LPIN1: variants seen among roughly 807,000 people sequenced by gnomAD.
The protein encoded by LPIN1 is phosphatidate phosphatase LPIN1.
In LPIN1, 71 loss-of-function variants were observed where a neutral mutation model predicts 107.5. That is an observed-to-expected ratio of 0.66 (90% CI 0.55 to 0.80). The LOEUF (loss-of-function observed/expected upper bound fraction) is 0.80. Ranked by LOEUF, LPIN1 falls within the 30% of genes least tolerant of loss-of-function variation. The pLI is 0.00. For missense variants in LPIN1, 1,043 were observed against 1,160.6 expected, an observed-to-expected ratio of 0.90 and a Z score of 1.47; for synonymous variants, 445 against 452.6, an observed-to-expected ratio of 0.98 and a Z score of 0.21.
In LPIN1 at chr2:11,765,172, G is replaced by A. The variant is rs376312030; in HGVS notation, c.-9-361G>A. Reference sequence around the variant, plus strand: ...GGACCGTGATGGGCCGTAACGGGCCGTGATGGACCCTGATGGGCTGTGATG... The same window carrying A: ...GGACCGTGATGGGCCGTAACGGGCCATGATGGACCCTGATGGGCTGTGATG... On this transcript the variant is annotated intron_variant, in intron 1 of 20. Coordinates refer to ENST00000674199, the MANE Select transcript of LPIN1 (RefSeq NM_001349206.2). This position sits in a 1 kb window ranked among gnomAD's most constrained non-coding sequence, Gnocchi z 4.4. 1.7e-4 allele frequency among the ~76,000 whole-genome samples: 26 copies of A among 151,950 alleles called. No individual in the cohort carries two copies. The East Asian group carries it at 2.3e-3, about 14-fold the overall frequency.
upstream of LPIN1, among the ~76,000 whole-genome samples, chr2:11,742,463 T>C (rs1289362525): frequency 6.6e-6 from 1 of 152,214 alleles, no homozygotes; most frequent in African/African-American, 2.4e-5. Flanking sequence ...TGCTTAAGGC[T>C]GTGACAGCCC....
chr2:11,781,934 C>T (rs1310926010), intron 7 of LPIN1, among the ~76,000 whole-genome samples: 1 of 152,246 alleles, frequency 6.6e-6, no homozygotes, highest in Non-Finnish European at 1.5e-5. Flanking sequence ...TGTAATCTAA[C>T]AGCATTTAGG....
chr2:11,818,090 A>C (rs1210991014), intron 18 of LPIN1: 1 of 152,248 alleles, frequency 6.6e-6, no homozygotes, highest in Non-Finnish European at 1.5e-5. Flanking sequence ...GGCCAAGGCC[A>C]TAGTGTCCCA....
At chr2:11,806,758 G>A (rs1678762359) in intron 17 of LPIN1, among the ~76,000 whole-genome samples, 1 of 152,138 alleles carries the variant, frequency 6.6e-6, no homozygotes. Context: ...AAAGCGCAGA[G>A]GTTGTATCAC....
At chr2:11,678,219 C>A (rs780162374) in intron 1 of LPIN1, among the ~76,000 whole-genome samples, 5 of 152,160 alleles carry the variant, frequency 3.3e-5, no homozygotes, top group Non-Finnish European at 7.3e-5. Flanking sequence ...CCAAAGCCAG[C>A]GGCTGTCCCT....
rs187016283 is a variant in LPIN1 at position 11,774,035 on chromosome 2, A to G, written c.722+290A>G. On this transcript the variant is annotated intron_variant, in intron 5 of 20. Coordinates refer to ENST00000674199, the MANE Select transcript of LPIN1 (RefSeq NM_001349206.2). The surrounding 1 kb of genome is among the most constrained non-coding windows in gnomAD (Gnocchi z 4.4). ...TCATGCTAATTGTTAATAGGAGAAA[A>G]CACAGTGGCAGAGCCTTTCTTGATA... 6.6e-6 allele frequency among the ~76,000 whole-genome samples: 1 copy of G among 152,320 alleles called. No homozygotes were observed. The highest frequency in any genetic ancestry group is 1.9e-4 in the East Asian group (1 of 5,190).
At chr2:11,759,149 C>T (rs572411027) in intron 1 of LPIN1, among the ~76,000 whole-genome samples, 15 of 143,348 alleles carry the variant, frequency 1.0e-4, no homozygotes, top group Non-Finnish European at 1.7e-4. Context: ...TTCTTTCTTT[C>T]TTTCTTTCTT....
chr2:11,711,710 C>A (rs1003517184), intron 1 of LPIN1, among the ~76,000 whole-genome samples: 4 of 152,210 alleles, frequency 2.6e-5, no homozygotes, highest in Non-Finnish European at 5.9e-5. Context: ...TCATCTTCCT[C>A]TTTGTCCCAC....
At chr2:11,739,176 T>C (rs1263828210) in intron 1 of LPIN1, among the ~76,000 whole-genome samples, 1 of 152,202 alleles carries the variant, frequency 6.6e-6, no homozygotes, top group African/African-American at 2.4e-5. Flanking sequence ...AGCCAGAAGC[T>C]GTATTGCTCA....
chr2:11,693,901 C>A (rs34032644), intron 1 of LPIN1, among the ~76,000 whole-genome samples: 1,673 of 131,374 alleles, frequency 0.013, 13 homozygotes, highest in Non-Finnish European at 0.019. Flanking sequence ...ATAGCAAGAT[C>A]CCGGCTCACT....
At chr2:11,679,511 T>C (rs925520487) in intron 1 of LPIN1, among the ~76,000 whole-genome samples, 2 of 152,232 alleles carry the variant, frequency 1.3e-5, no homozygotes, top group African/African-American at 4.8e-5. Context: ...GAGGTGGTGC[T>C]TCCTTCACCG....
intron 1 of LPIN1, among the ~76,000 whole-genome samples, chr2:11,727,716 C>T (rs575326705): frequency 2.0e-4 from 30 of 152,354 alleles, no homozygotes; most frequent in African/African-American, 6.7e-4. Context: ...AAGGTACATT[C>T]AGTTTCCCAC....
At chr2:11,814,920 A>G (rs1176634389) in intron 17 of LPIN1, among the ~76,000 whole-genome samples, 168 bp from the exon 18 acceptor site, 3 of 152,230 alleles carry the variant, frequency 2.0e-5, no homozygotes, top group Non-Finnish European at 4.4e-5. Context: ...AAATGTATTT[A>G]AGCCTATTTC....
At chr2:11,766,933 C>G (rs1215628599) in intron 2 of LPIN1, among the ~76,000 whole-genome samples, 2 of 152,172 alleles carry the variant, frequency 1.3e-5, no homozygotes, top group South Asian at 4.1e-4. Flanking sequence ...ATCTCCCATT[C>G]CATCATGGCC....
intron 1 of LPIN1, among the ~76,000 whole-genome samples, chr2:11,751,321 T>C (rs2148578927): frequency 6.6e-6 from 1 of 152,318 alleles, no homozygotes; most frequent in Non-Finnish European, 1.5e-5. Context: ...GACCAGAGTT[T>C]TCCATCCTTC....
chr2:11,737,596 A>C (rs544797134), intron 1 of LPIN1, among the ~76,000 whole-genome samples: 17 of 152,380 alleles, frequency 1.1e-4, no homozygotes, highest in African/African-American at 4.1e-4. Context: ...GACAGTTCTC[A>C]AAAGAAGACA....
chr2:11,776,135 G>A lies in LPIN1; in HGVS notation c.772G>A (p.Glu258Lys), dbSNP rs559915855. The A allele has an allele frequency of 1.0e-5, 16 of 1,548,634 alleles. No individual in the cohort carries two copies. The highest frequency in any genetic ancestry group is 8.3e-5 in the South Asian group (7 of 83,940). Residue 258 changes from glutamate to lysine, a missense_variant, in exon 6 of 21, where the codon GAG becomes AAG. Physicochemically the swap from Glu to Lys is moderately conservative, Grantham distance 56 (BLOSUM62 1). Coordinates refer to ENST00000674199, the MANE Select transcript of LPIN1 (RefSeq NM_001349206.2). ...RTAPHLAVAA[E>K]GGLSSSCPPQ... ...TGCCCCTCATCTTGCAGTTGCGGCC[G>A]AGGGAGGTCTGTCTAGTTCTTGCCC...
At chr2:11,695,462 G>T (rs1449796213) in intron 1 of LPIN1, among the ~76,000 whole-genome samples, 1 of 152,114 alleles carries the variant, frequency 6.6e-6, no homozygotes, top group African/African-American at 2.4e-5. Flanking sequence ...CCCTAAGGTG[G>T]AGTATTTGAG....
intron 8 of LPIN1, 61 bp downstream of exon 8, chr2:11,782,568 T>C (rs1459096860): frequency 6.3e-7 from 1 of 1,590,674 alleles, no homozygotes; most frequent in Non-Finnish European, 8.6e-7. Flanking sequence ...ACTCTACACA[T>C]GACAGGTCCT....
Sources: allele counts gnomAD v4.1 joint callset (sites outside exome capture counted in the v4.1 genomes callset), GRCh38; gene constraint gnomAD v4.1.1; non-coding constraint Gnocchi (gnomAD v3.1); transcripts MANE v1.5; gene names NCBI Gene and HGNC (gene_info 2026-07-23, HGNC 2026-07-21).